The following ANKRD30A variants were observed in gnomAD, a reference collection of about 807,000 sequenced individuals.
The protein encoded by ANKRD30A is ankyrin repeat domain 30A, also known as ankyrin repeat domain-containing protein 30A.
In ANKRD30A, 170 loss-of-function variants were observed where a neutral mutation model predicts 166.3. The ratio of observed to expected loss-of-function variants is 1.02; its 90% confidence interval spans 0.90 to 1.16. The LOEUF (loss-of-function observed/expected upper bound fraction) is 1.16. ANKRD30A is among the 50% of genes most tolerant of loss of function. ANKRD30A has a pLI of 0.00. For synonymous variants in ANKRD30A, 564 were observed against 508.9 expected, an observed-to-expected ratio of 1.11 and a Z score of -1.46; for missense variants, 1,630 against 1,518.0, an observed-to-expected ratio of 1.07 and a Z score of -1.23.
rs928965584 is a variant in ANKRD30A, at chr10:37,211,251, A to G, written c.2870-4930A>G. Among the ~76,000 whole-genome samples, 5 of 152,066 alleles carry G rather than the reference A, an allele frequency of 3.3e-5. No homozygotes were observed. In the South Asian group the frequency reaches 1.0e-3, roughly 32 times the overall value. On this transcript the variant is annotated intron_variant, in intron 31 of 35. Transcript: ENST00000361713. ...GGTGTGCTGCACCCATTGGCTCATCATTTAACATTAGGTATATCTCCTAAT... is the reference window on the plus strand; with the variant it reads ...GGTGTGCTGCACCCATTGGCTCATCGTTTAACATTAGGTATATCTCCTAAT...
chr10:37,202,289 C>T (rs567545150), intron 31 of ANKRD30A, among the ~76,000 whole-genome samples: 44 of 152,290 alleles, frequency 2.9e-4, no homozygotes, highest in African/African-American at 9.9e-4. Flanking sequence ...CAAACTGTCT[C>T]TCAGACCACA....
chr10:37,159,844 G>A (rs530487070), intron 15 of ANKRD30A, among the ~76,000 whole-genome samples: 69 of 152,112 alleles, frequency 4.5e-4, no homozygotes, highest in Middle Eastern at 3.4e-3. Flanking sequence ...CCAGGCGCCT[G>A]CCACCATGCC....
chr10:37,141,769 C>A lies in ANKRD30A; in HGVS notation c.872C>A (p.Thr291Lys). 1 of 1,612,288 alleles carries A rather than the reference C, an allele frequency of 6.2e-7. No homozygotes were observed. Among genetic ancestry groups the A allele is most frequent in the South Asian group, 1.1e-5 (1 of 90,996 alleles). The change falls in exon 7 of 36, where the codon ACA becomes AAA. Residue 291 changes from threonine to lysine, a missense_variant. Thr to Lys is a moderately conservative substitution (Grantham distance 78, BLOSUM62 -1). This residue lies in a region of ANKRD30A where 904 missense variants were observed against 818.5 expected (regional missense o/e 1.10). Coordinates refer to ENST00000361713, the MANE Select transcript of ANKRD30A (RefSeq NM_052997.3). ...GAGGCTGCACCCTTGGCGGAAAGAA[C>A]ACCTGACACAGCTGAAAGCTTGGTG... is the stretch of plus-strand genomic sequence containing the variant. ...PDEAAPLAER[T>K]PDTAESLVEK...
At chr10:37,151,006 C>A (rs1238536265) in intron 11 of ANKRD30A, among the ~76,000 whole-genome samples, 1 of 138,058 alleles carries the variant, frequency 7.2e-6, no homozygotes, top group African/African-American at 2.7e-5. Context: ...GGTGACTTAC[C>A]AAAGTGTGAT....
the ANKRD30A span, among the ~76,000 whole-genome samples, chr10:37,241,501 T>C: frequency 6.6e-6 from 1 of 151,988 alleles, no homozygotes; most frequent in Admixed American, 6.6e-5. Flanking sequence ...ATCTTACAAA[T>C]AAAATCCTGT....
chr10:37,166,225 A>T (rs1292673915), intron 18 of ANKRD30A, among the ~76,000 whole-genome samples: 2 of 151,546 alleles, frequency 1.3e-5, no homozygotes, highest in African/African-American at 2.4e-5. Context: ...GTATGTGTCC[A>T]GGCAAGTAGC....
intron 29 of ANKRD30A, among the ~76,000 whole-genome samples, chr10:37,198,681 A>G (rs1382853528): frequency 6.6e-6 from 1 of 152,058 alleles, no homozygotes; most frequent in Non-Finnish European, 1.5e-5. Context: ...CCAAAGTATG[A>G]TTTAAGTTTC....
At chr10:37,221,409 T>G (rs577919290) in intron 34 of ANKRD30A, among the ~76,000 whole-genome samples, 1 of 151,280 alleles carries the variant, frequency 6.6e-6, no homozygotes, top group South Asian at 2.1e-4. Context: ...TACATCACAT[T>G]ATCACATTAA....
At chr10:37,227,401 T>G (rs557839777) in intron 34 of ANKRD30A, among the ~76,000 whole-genome samples, 2 of 152,128 alleles carry the variant, frequency 1.3e-5, no homozygotes, top group African/African-American at 4.8e-5. Context: ...TCTTTTCCCA[T>G]GTAGTCATTT....
At chr10:37,183,444 A>G (rs2132642967) in intron 24 of ANKRD30A, among the ~76,000 whole-genome samples, 1 of 146,900 alleles carries the variant, frequency 6.8e-6, no homozygotes, top group South Asian at 2.2e-4. Flanking sequence ...CAAATAACAA[A>G]TGGGCTCTTG....
the ANKRD30A span, among the ~76,000 whole-genome samples, chr10:37,263,598 G>A: frequency 6.6e-6 from 1 of 151,948 alleles, no homozygotes; most frequent in Admixed American, 6.6e-5. Flanking sequence ...TTCTCAATAG[G>A]GTTCGTGCTC....
intron 8 of ANKRD30A, among the ~76,000 whole-genome samples, chr10:37,145,538 T>C (rs1274062601): frequency 6.6e-6 from 1 of 152,234 alleles, no homozygotes; most frequent in African/African-American, 2.4e-5. Context: ...CTGAGTAGAT[T>C]ACTGCTTGGT....
In ANKRD30A at chr10:37,142,213, C is replaced by G; in HGVS notation, c.1316C>G (p.Thr439Ser). The change falls in exon 7 of 36, where the codon ACT becomes AGT. Residue 439 changes from threonine to serine, a missense_variant. Thr to Ser is a moderately conservative substitution (Grantham distance 58). Coordinates refer to ENST00000361713, the MANE Select transcript of ANKRD30A (RefSeq NM_052997.3). ...GCVARVTSNKTKVLEKGRSKM... is the reference protein window; with the variant it reads ...GCVARVTSNKSKVLEKGRSKM... Reference sequence around the variant, plus strand: ...GTGGCAAGAGTAACATCTAATAAAACTAAAGTTTTGGAAAAAGGAAGATCT... The same window carrying G: ...GTGGCAAGAGTAACATCTAATAAAAGTAAAGTTTTGGAAAAAGGAAGATCT... 1 of 1,609,484 alleles carries G rather than the reference C, an allele frequency of 6.2e-7. No homozygotes were observed. Among genetic ancestry groups the G allele is most frequent in the Non-Finnish European group, 8.5e-7 (1 of 1,178,984 alleles).
At chr10:37,143,057 A>G (rs1837263980) in intron 7 of ANKRD30A, among the ~76,000 whole-genome samples, 1 of 152,216 alleles carries the variant, frequency 6.6e-6, no homozygotes, top group Non-Finnish European at 1.5e-5. Context: ...ATTACACCAC[A>G]TGCCCATATC....
At chr10:37,255,921 G>A in the ANKRD30A span, among the ~76,000 whole-genome samples, 1 of 152,114 alleles carries the variant, frequency 6.6e-6, no homozygotes, top group Non-Finnish European at 1.5e-5. Context: ...ATCCTCCAGT[G>A]GTTACCTATC....
chr10:37,227,624 A>G (rs1843220079), intron 34 of ANKRD30A, among the ~76,000 whole-genome samples: 1 of 151,970 alleles, frequency 6.6e-6, no homozygotes, highest in Non-Finnish European at 1.5e-5. Flanking sequence ...GTTTCTTGAA[A>G]GAGCCCATGG....
At chr10:37,161,635 ACTACCGGAAGCAGGAGTC>A (rs1455762527) in intron 15 of ANKRD30A, among the ~76,000 whole-genome samples, 4 of 152,148 alleles carry the variant, frequency 2.6e-5, no homozygotes, top group African/African-American at 9.7e-5. Flanking sequence ...CACTCCAGAG[ACTACCGGAAGCAGGAGTC>A]CTACTAGAAT....
At chr10:37,201,507 G>A (rs1229511323) in intron 31 of ANKRD30A, among the ~76,000 whole-genome samples, 182 bp downstream of exon 31, 2 of 152,030 alleles carry the variant, frequency 1.3e-5, no homozygotes, top group Middle Eastern at 3.2e-3. Flanking sequence ...TATATTGAGA[G>A]TGCTGAGAAG....
At chr10:37,257,683 T>C in the ANKRD30A span, among the ~76,000 whole-genome samples, 1 of 152,226 alleles carries the variant, frequency 6.6e-6, no homozygotes, top group Admixed American at 6.5e-5. Flanking sequence ...GAGCAGCTTG[T>C]TCAATTTCCA....
Sources: gnomAD v4.1 joint callset for allele counts (sites outside exome capture counted in the v4.1 genomes callset) on GRCh38, gnomAD v4.1.1 for gene constraint, gnomAD v4.1.1 regional missense constraint, MANE v1.5 for transcripts, NCBI Gene and HGNC (gene_info 2026-07-23, HGNC 2026-07-21) for gene names.